Variants in SNURF observed in about 807,000 individuals in gnomAD.
The protein encoded by SNURF is SNRPN upstream open reading frame, also known as SNURF protein.
In SNURF, 6 loss-of-function variants were observed where a neutral mutation model predicts 11.6. The observed-to-expected ratio is 0.52, with a 90% confidence interval of 0.28 to 1.02. The LOEUF is 1.02. Ranked by LOEUF, SNURF falls within the 50% of genes least tolerant of loss-of-function variation. The pLI is 0.09. For synonymous variants in SNURF, 29 were observed against 31.6 expected, an observed-to-expected ratio of 0.92 and a Z score of 0.27; for missense variants, 84 against 88.4, an observed-to-expected ratio of 0.95 and a Z score of 0.20.
intron 1 of SNURF, among the ~76,000 whole-genome samples, chr15:24,956,354 C>CGGG (rs10626759): frequency 0.041 from 5,664 of 137,712 alleles, 451 homozygotes; most frequent in African/African-American, 0.14. Flanking sequence ...AGCGCTTCAG[C>CGGG]GGGGGGGTGG....
intron 5 of SNURF, chr15:24,976,460 CATCAT>C: frequency 7.8e-7 from 1 of 1,278,646 alleles, no homozygotes; most frequent in South Asian, 1.2e-5. Flanking sequence ...TTTGCAGGGA[CATCAT>C]ATTATGTGAG....
At chr15:24,957,680 T>G (rs953639781) in intron 1 of SNURF, among the ~76,000 whole-genome samples, 2 of 152,236 alleles carry the variant, frequency 1.3e-5, no homozygotes, top group African/African-American at 4.8e-5. Context: ...AATCTATTTT[T>G]GGGTAGTTTT....
At chr15:24,968,270 CTGTATTCCAGTTATTGTAGCGCATGCTTT>C in exon 3 of SNURF, 3 of 489,160 alleles carry the variant, frequency 6.1e-6, no homozygotes, top group Non-Finnish European at 1.1e-5. Flanking sequence ...CGTCATGTTT[CTGTATTCCAGTTATTGTAGCGCATGCTTT>C]TCAGGTAGTT....
At chr15:24,968,711 C>T (rs539944778), downstream of SNURF, 10 of 152,276 alleles carry the variant, frequency 6.6e-5, no homozygotes, top group African/African-American at 2.2e-4. Flanking sequence ...AATACTTTCT[C>T]ATGCTTATTT....
At chr15:24,972,681 A>C (rs2076575444), downstream of SNURF, among the ~76,000 whole-genome samples, 1 of 151,674 alleles carries the variant, frequency 6.6e-6, no homozygotes, top group Admixed American at 6.6e-5. Context: ...TAGTATGATA[A>C]GCACTTCAAG....
At chr15:24,959,880 C>T (rs2074486053) in intron 1 of SNURF, among the ~76,000 whole-genome samples, 1 of 152,182 alleles carries the variant, frequency 6.6e-6, no homozygotes, top group Non-Finnish European at 1.5e-5. Context: ...CAAGGTTTTA[C>T]TTAGCCCTCG....
At chr15:24,977,756 G>C in intron 6 of SNURF, 1 of 1,569,802 alleles carries the variant, frequency 6.4e-7, no homozygotes, top group Non-Finnish European at 8.6e-7. Flanking sequence ...CGCTTTGACT[G>C]TTTCCCGCCC....
At chr15:24,967,808 GAAAAAA>G (rs35146696) in intron 2 of SNURF, 118 bp from the exon 3 acceptor site, 331 of 491,534 alleles carry the variant, frequency 6.7e-4, no homozygotes, top group Non-Finnish European at 8.1e-4. Flanking sequence ...ACCCTGTCTG[GAAAAAA>G]AAAAAAAAAA....
rs541334217 is a variant in SNURF at position 24,966,863 on chromosome 15, T to C, written c.111-1069T>C. Among the ~76,000 whole-genome samples the C allele has an allele frequency of 2.0e-5, 3 of 152,308 alleles. No individual in the cohort carries two copies. In the East Asian group the frequency reaches 5.8e-4, roughly 29 times the overall value. Reference sequence around the variant, plus strand: ...CCCAGCTCCTCACCTCAAGGCAAGCTGTCATTTCCTGTATGTCTTCCTTCT... The same window carrying C: ...CCCAGCTCCTCACCTCAAGGCAAGCCGTCATTTCCTGTATGTCTTCCTTCT... On this transcript the variant is annotated intron_variant, in intron 2 of 2. Coordinates refer to ENST00000577949, the Ensembl canonical transcript of SNURF.
exon 3 of SNURF, chr15:24,968,327 T>A (rs916606658): frequency 2.7e-5 from 8 of 301,106 alleles, no homozygotes; most frequent in East Asian, 1.6e-4. Context: ...GCGTTTTTTT[T>A]AATTATATAA....
chr15:24,971,621 T>A (rs965151734), downstream of SNURF, among the ~76,000 whole-genome samples: 2 of 152,122 alleles, frequency 1.3e-5, no homozygotes, highest in African/African-American at 4.8e-5. Context: ...CATCCCTAGA[T>A]GTGTTTCATA....
At chr15:24,966,797 AAATCCTT>A (rs2075705991) in intron 2 of SNURF, among the ~76,000 whole-genome samples, 1 of 152,190 alleles carries the variant, frequency 6.6e-6, no homozygotes, top group South Asian at 2.1e-4. Flanking sequence ...TCCAATTTCC[AAATCCTT>A]ACATGCCAAC....
intron 2 of SNURF, 35 bp from the exon 3 acceptor site, chr15:24,967,897 T>C (rs1219355922): frequency 6.4e-7 from 1 of 1,558,480 alleles, no homozygotes; most frequent in Non-Finnish European, 8.9e-7. Flanking sequence ...ACAAATGTAT[T>C]TTTATCATTT....
At chr15:24,973,679 C>T (rs747733705), downstream of SNURF, among the ~76,000 whole-genome samples, 1 of 152,180 alleles carries the variant, frequency 6.6e-6, no homozygotes, top group Non-Finnish European at 1.5e-5. Flanking sequence ...GGATTACAGG[C>T]GTGAGCCACC....
chr15:24,955,868 G>A (rs974194353), intron 1 of SNURF, among the ~76,000 whole-genome samples: 2 of 151,716 alleles, frequency 1.3e-5, no homozygotes, highest in African/African-American at 4.9e-5. Context: ...TGGGCATGGC[G>A]GCCGCGGGGC....
chr15:24,969,994 CTGAG>C (rs1233762365), downstream of SNURF, among the ~76,000 whole-genome samples: 9 of 152,124 alleles, frequency 5.9e-5, no homozygotes, highest in Non-Finnish European at 1.0e-4. Context: ...AAATAATTGG[CTGAG>C]TTTTATTTTA....
chr15:24,957,419 T>C (rs769582758), intron 1 of SNURF, among the ~76,000 whole-genome samples: 1 of 152,236 alleles, frequency 6.6e-6, no homozygotes, highest in Non-Finnish European at 1.5e-5. Context: ...AAATTAATGA[T>C]CATTTTTGAA....
chr15:24,969,670 AC>A (rs2076154576), downstream of SNURF, among the ~76,000 whole-genome samples: 1 of 152,180 alleles, frequency 6.6e-6, no homozygotes, highest in African/African-American at 2.4e-5. Flanking sequence ...TTTAAATACA[AC>A]ATTTAAGTCA....
chr15:24,971,344 T>C (rs1015079344), downstream of SNURF, among the ~76,000 whole-genome samples: 5 of 152,162 alleles, frequency 3.3e-5, no homozygotes, highest in African/African-American at 1.2e-4. Context: ...ATTTGACCAC[T>C]CTGCAGTGAT....
Sources: gnomAD v4.1 joint callset for allele counts (sites outside exome capture counted in the v4.1 genomes callset) on GRCh38, gnomAD v4.1.1 for gene constraint, MANE v1.5 for transcripts, NCBI Gene and HGNC (gene_info 2026-07-23, HGNC 2026-07-21) for gene names.